The following SLC46A2 variants were observed in gnomAD, a reference collection of about 807,000 sequenced individuals.
SLC46A2 encodes the protein thymic stromal co-transporter.
A neutral mutation model predicts 33.1 loss-of-function variants in SLC46A2; 25 were observed. The ratio of observed to expected loss-of-function variants is 0.76; its 90% CI spans 0.55 to 1.06. The LOEUF (loss-of-function observed/expected upper bound fraction) is 1.06. Among genes scored for constraint, SLC46A2 ranks in the 50% least tolerant of loss-of-function variants. The pLI is 0.00. For synonymous variants in SLC46A2, 254 were observed against 275.9 expected, an observed-to-expected ratio of 0.92 and a Z score of 0.79; for missense variants, 622 against 621.7, an observed-to-expected ratio of 1.00 and a Z score of 0.00.
At chr9:112,888,411 T>C (rs1841673628) in intron 1 of SLC46A2, among the ~76,000 whole-genome samples, 1 of 152,208 alleles carries the variant, frequency 6.6e-6, no homozygotes, top group South Asian at 2.1e-4. Context: ...TTTTGTTAGG[T>C]GTTTCTAAGA....
At chr9:112,887,042 T>G (rs1399266059) in intron 2 of SLC46A2, among the ~76,000 whole-genome samples, 2 of 152,066 alleles carry the variant, frequency 1.3e-5, no homozygotes, top group Non-Finnish European at 2.9e-5. Flanking sequence ...TTCTCAGTCT[T>G]TGTGTGGCTC....
chr9:112,883,180 G>C (rs980099340), intron 3 of SLC46A2, among the ~76,000 whole-genome samples: 1 of 152,158 alleles, frequency 6.6e-6, no homozygotes, highest in African/African-American at 2.4e-5. Context: ...GAATGGGAGT[G>C]GGGGAGTGAG....
chr9:112,888,278 AAAAAC>A (rs76017388), intron 1 of SLC46A2, among the ~76,000 whole-genome samples: 9,597 of 152,106 alleles, frequency 0.063, 381 homozygotes, highest in Non-Finnish European at 0.094. Context: ...ACTCCATCTC[AAAAAC>A]AAAACAAAAC....
Position 112,879,136 on chromosome 9 carries a change from A to T in SLC46A2, c.*626T>A, listed in dbSNP as rs1479471740. 6.6e-6 allele frequency: 1 copy of T among 152,250 alleles called. No individual in the cohort carries two copies. The highest frequency in any genetic ancestry group is 1.5e-5 in the Non-Finnish European group (1 of 68,052). 9.4% of individuals were successfully genotyped at this position (152,250 alleles called of 1,614,324 possible). A position where few individuals can be genotyped will look rare whatever the true frequency, so the allele number is the denominator to read the frequency against. On this transcript the variant is annotated 3_prime_UTR_variant, in exon 4 of 4. Transcript: ENST00000374228. ...GCTTCTTAAAAGCAACAGTAGTAACAAAACTACCCAGAAGACAAGGGCCTG... is the reference window on the plus strand; with the variant it reads ...GCTTCTTAAAAGCAACAGTAGTAACTAAACTACCCAGAAGACAAGGGCCTG...
rs1395495825 is a variant in SLC46A2 at position 112,890,757 on chromosome 9, G to C, written c.-76C>G. On this transcript the variant is annotated 5_prime_UTR_variant, in exon 1 of 4. Transcript: ENST00000374228. This position sits in a 1 kb window ranked among gnomAD's most constrained non-coding sequence, Gnocchi z 6.0. ...TATGCTCCCAAATTCGGCTGCTACG[G>C]CTGCTCAGGTTTCAGTCCCGGAGCG... 7 of 1,487,390 alleles carry C rather than the reference G, an allele frequency of 4.7e-6. No individual in the cohort carries two copies. The highest frequency in any genetic ancestry group is 6.3e-6 in the Non-Finnish European group (7 of 1,117,860). The allele number at this position is 1,487,390 out of a possible 1,614,324, so 92.1% of individuals were successfully genotyped here. A position where few individuals can be genotyped will look rare whatever the true frequency, so the allele number is the denominator to read the frequency against.
chr9:112,882,844 CT>C (rs1250345841), intron 3 of SLC46A2, among the ~76,000 whole-genome samples: 1 of 151,982 alleles, frequency 6.6e-6, no homozygotes, highest in Non-Finnish European at 1.5e-5. Context: ...TTTGGAAGTA[CT>C]TTAGGTTGCT....
At chr9:112,885,226 G>A (rs952482676) in intron 3 of SLC46A2, 5 of 152,036 alleles carry the variant, frequency 3.3e-5, no homozygotes, top group Admixed American at 6.6e-5. Context: ...CATTCAGGCC[G>A]AGATTTGTAA....
rs1841552446 is a variant in SLC46A2 at position 112,879,536 on chromosome 9, A to T, written c.*226T>A. 3.9e-6 allele frequency: 2 copies of T among 511,678 alleles called. No individual in the cohort carries two copies. The highest frequency in any genetic ancestry group is 7.1e-6 in the Non-Finnish European group (2 of 281,350). The allele number at this position is 511,678 out of a possible 1,614,324, so 31.7% of individuals were successfully genotyped here. On this transcript the variant is annotated 3_prime_UTR_variant, in exon 4 of 4. Transcript: ENST00000374228. ...TGTCACAGAACCCAGTGTCTGCCTA[A>T]TGGGGGTGTCTTAAAGCTGAGAACG... is the stretch of plus-strand genomic sequence containing the variant.
In SLC46A2 at chr9:112,887,313, T is replaced by G; in HGVS notation, c.1213+17A>C. The G allele has an allele frequency of 6.2e-7, 1 of 1,610,044 alleles. No individual in the cohort carries two copies. The highest frequency in any genetic ancestry group is 8.5e-7 in the Non-Finnish European group (1 of 1,177,956). ...GCCCGGGCAGAAGATTCCAGAGAGA[T>G]TCTGTTCACTACTCACCATAAGAGG... On this transcript the variant is annotated intron_variant, in intron 2 of 3. Transcript: ENST00000374228.
Position 112,889,785 on chromosome 9 carries a change from G to T in SLC46A2, c.897C>A (p.Gly299=), listed in dbSNP as rs753539221. 3 of 1,614,158 alleles carry T rather than the reference G, an allele frequency of 1.9e-6. No individual in the cohort carries two copies. Among genetic ancestry groups the T allele is most frequent in the Non-Finnish European group, 2.5e-6 (3 of 1,180,020 alleles). The part of the protein sequence containing the change: ...GAIIYDLAVV[G]TVDVIPLFVL... ...CAAAAAGAGGGATCACGTCCACTGT[G>T]CCCACCACCGCCAGGTCATATATGA... The change falls in exon 1 of 4, where the codon GGC becomes GGA. Residue 299 remains glycine, a synonymous_variant. Transcript: ENST00000374228.
At chr9:112,883,128 G>A (rs1212973304) in intron 3 of SLC46A2, among the ~76,000 whole-genome samples, 3 of 152,220 alleles carry the variant, frequency 2.0e-5, no homozygotes, top group African/African-American at 7.2e-5. Flanking sequence ...GTGGAGTTGA[G>A]CAGGGGGAAC....
intron 3 of SLC46A2, among the ~76,000 whole-genome samples, chr9:112,880,695 T>G (rs1487052248): frequency 1.3e-5 from 2 of 152,262 alleles, no homozygotes; most frequent in Non-Finnish European, 2.9e-5. Flanking sequence ...AGTCTGTTAC[T>G]GTGCAATGGG....
At position 112,879,786 on chromosome 9, in the gene SLC46A2, T is replaced by C. The variant is rs757823458; in HGVS notation, c.1404A>G (p.Pro468=). The C allele has an allele frequency of 1.9e-6, 3 of 1,613,294 alleles. No individual in the cohort carries two copies. The highest frequency in any genetic ancestry group is 2.5e-6 in the Non-Finnish European group (3 of 1,179,338). Residue 468 remains proline (P), a synonymous_variant, in exon 4 of 4, where the codon CCA becomes CCG. Transcript: ENST00000374228. ...IVAYKQVPLS[P]YGDIIEK ...TTCATTTCTCTATGATGTCTCCATA[T>C]GGTGACAATGGGACTTGTTTATAGG...
intron 3 of SLC46A2, among the ~76,000 whole-genome samples, chr9:112,884,617 A>G (rs973062952): frequency 2.6e-5 from 4 of 152,186 alleles, no homozygotes; most frequent in African/African-American, 9.7e-5. Context: ...TGGGATCCTG[A>G]TAGCAGTCAA....
chr9:112,890,417 G>C lies in SLC46A2; in HGVS notation c.265C>G (p.Pro89Ala). The C allele has an allele frequency of 6.2e-7, 1 of 1,614,216 alleles. No homozygotes were observed. Among genetic ancestry groups the C allele is most frequent in the Non-Finnish European group, 8.5e-7 (1 of 1,180,040 alleles). The stretch of plus-strand genomic sequence containing the variant: ...CCCAGCCCGTAGGCGGACAGCAGGG[G>C]GGACAGGCCCACCACAAGGTTGTAG... ...IIYNLVVGLSPLLSAYGLGWL... is the reference protein window; with the variant it reads ...IIYNLVVGLSALLSAYGLGWL... Residue 89 changes from proline to alanine, a missense_variant, in exon 1 of 4, where the codon CCC (proline) becomes GCC (alanine). Transcript: ENST00000374228. The surrounding 1 kb of genome is among the most constrained non-coding windows in gnomAD (Gnocchi z 6.0).
chr9:112,879,215 CT>C lies in SLC46A2; in HGVS notation c.*546del, dbSNP rs1441162522. The C allele has an allele frequency of 6.6e-6, 1 of 152,220 alleles. No individual in the cohort carries two copies. Among genetic ancestry groups the C allele is most frequent in the Non-Finnish European group, 1.5e-5 (1 of 68,058 alleles). The allele number at this position is 152,220 out of a possible 1,614,324, so 9.4% of individuals were successfully genotyped here. A position where few individuals can be genotyped will look rare whatever the true frequency, so the allele number is the denominator to read the frequency against. ...GGTAAGGAAGACTCAGGAAAGAAAG[CT>C]GACTTTTTTCAAGGTTTTATTTTAA... On this transcript the variant is annotated 3_prime_UTR_variant, in exon 4 of 4. Coordinates refer to ENST00000374228, the MANE Select transcript of SLC46A2 (RefSeq NM_033051.4).
intron 2 of SLC46A2, 74 bp downstream of exon 2, chr9:112,887,256 G>A: frequency 7.2e-7 from 1 of 1,387,868 alleles, no homozygotes; most frequent in Non-Finnish European, 1.0e-6. Flanking sequence ...CCTTCTGCAG[G>A]TCTGTGCCTC....
At chr9:112,884,553 A>AT (rs1237760787) in intron 3 of SLC46A2, among the ~76,000 whole-genome samples, 1 of 152,080 alleles carries the variant, frequency 6.6e-6, no homozygotes, top group African/African-American at 2.4e-5. Flanking sequence ...AGCTTTTAAA[A>AT]TTTCCTATGC....
In SLC46A2 at chr9:112,888,927, A is replaced by G. The variant is rs570338921; in HGVS notation, c.1129+626T>C. 1.9e-3 allele frequency among the ~76,000 whole-genome samples: 268 copies of G among 141,966 alleles called. 1 individual carries two copies. Among genetic ancestry groups the G allele is most frequent in the African/African-American group, 6.7e-3 (256 of 38,428 alleles). 93.1% of individuals were successfully genotyped at this position (141,966 alleles called of 152,430 possible). ...TTTTTTTGAGACAGAGTCTTGCTCT[A>G]TCACCCAGGCTAGAGTGCAGTGGCA... On this transcript the variant is annotated intron_variant, in intron 1 of 3. Coordinates refer to ENST00000374228, the MANE Select transcript of SLC46A2 (RefSeq NM_033051.4).
Sources: allele counts gnomAD v4.1 joint callset (sites outside exome capture counted in the v4.1 genomes callset), GRCh38; gene constraint gnomAD v4.1.1; non-coding constraint Gnocchi (gnomAD v3.1); transcripts MANE v1.5; gene names NCBI Gene and HGNC (gene_info 2026-07-23, HGNC 2026-07-21).